Variants in SUPT6H observed in about 807,000 individuals in gnomAD.
SUPT6H encodes transcription elongation factor SPT6.
SUPT6H carries 11 observed loss-of-function variants against 222.3 expected under a neutral mutation model. The ratio of observed to expected loss-of-function variants is 0.05; its 90% CI spans 0.03 to 0.08. The LOEUF (loss-of-function observed/expected upper bound fraction) is 0.08. Ranked by LOEUF, SUPT6H falls within the 10% of genes least tolerant of loss-of-function variation. SUPT6H has a pLI of 1.00. For missense variants in SUPT6H, 1,422 were observed against 2,216.0 expected (o/e 0.64, Z 7.19); for synonymous variants, 762 against 801.2 (o/e 0.95, Z 0.83).
intron 12 of SUPT6H, 134 bp from the exon 13 acceptor site, chr17:28,681,747 AG>A (rs1348172365): frequency 1.3e-5 from 9 of 718,054 alleles, no homozygotes; most frequent in Admixed American, 3.0e-5. Context: ...AAGAAAACCC[AG>A]GAGACTTGAC....
intron 4 of SUPT6H, 91 bp downstream of exon 4, chr17:28,674,704 C>A: frequency 8.0e-7 from 1 of 1,243,382 alleles, no homozygotes; most frequent in Non-Finnish European, 1.2e-6. Flanking sequence ...ACACGCAGGA[C>A]AGTTTGGAGA....
In SUPT6H at chr17:28,701,461, G is replaced by T; in HGVS notation, c.5017G>T (p.Asp1673Tyr). Residue 1673 changes from aspartate (D) to tyrosine (Y), a missense_variant, in exon 37 of 37, where the codon GAC (aspartate) becomes TAC (tyrosine). Asp to Tyr is a radical substitution (Grantham distance 160). Transcript: ENST00000314616. Reference sequence around the variant, plus strand: ...CAGGTCCAACAGCCATGCAGCCATCGACTGGGGAAAAATGGCGGAGCAGTG... The same window carrying T: ...CAGGTCCAACAGCCATGCAGCCATCTACTGGGGAAAAATGGCGGAGCAGTG... Reference protein sequence around the residue: ...QPKSNSHAAIDWGKMAEQWLQ... With the variant: ...QPKSNSHAAIYWGKMAEQWLQ... The T allele has an allele frequency of 6.2e-7, 1 of 1,614,108 alleles. No homozygotes were observed. The highest frequency in any genetic ancestry group is 8.5e-7 in the Non-Finnish European group (1 of 1,180,016).
At position 28,698,041 on chromosome 17, in the gene SUPT6H, G is replaced by T; in HGVS notation, c.4448+11G>T. On this transcript the variant is annotated intron_variant, in intron 32 of 36. Coordinates refer to ENST00000314616, the MANE Select transcript of SUPT6H (RefSeq NM_003170.5). Reference sequence around the variant, plus strand: ...CCGGGGTAAACCCAGGTGAGCACTAGTGCTGAGAAGGTGCTGCCACTGGGG... The same window carrying T: ...CCGGGGTAAACCCAGGTGAGCACTATTGCTGAGAAGGTGCTGCCACTGGGG... The T allele has an allele frequency of 6.2e-7, 1 of 1,604,246 alleles. No homozygotes were observed. The highest frequency in any genetic ancestry group is 8.5e-7 in the Non-Finnish European group (1 of 1,179,152).
chr17:28,674,685 T>C, intron 4 of SUPT6H, 72 bp downstream of exon 4: 1 of 1,417,306 alleles, frequency 7.1e-7, no homozygotes, highest in African/African-American at 1.4e-5. Flanking sequence ...TGTCTGTGGG[T>C]GAGGAGGCAC....
chr17:28,684,791 C>G, intron 18 of SUPT6H, 53 bp from the exon 19 acceptor site: 1 of 1,613,226 alleles, frequency 6.2e-7, no homozygotes, highest in Non-Finnish European at 8.5e-7. Flanking sequence ...TTCTCTCATT[C>G]ATAACTTCAT....
Position 28,693,810 on chromosome 17 carries a change from G to T in SUPT6H, c.3748G>T (p.Val1250Leu). Residue 1250 changes from valine (V) to leucine (L), a missense_variant, in exon 28 of 37, where the codon GTA becomes TTA. Val to Leu is a conservative substitution (Grantham distance 32). Transcript: ENST00000314616. ...CACCAAATTCCTCAGTGACAAAGTGGTAAAGCGGCCAGAAGAACGAGTGAA... is the reference window on the plus strand; with the variant it reads ...CACCAAATTCCTCAGTGACAAAGTGTTAAAGCGGCCAGAAGAACGAGTGAA... ...IPTKFLSDKV[V>L]KRPEERVKVG... 1 of 1,614,204 alleles carries T rather than the reference G, an allele frequency of 6.2e-7. No homozygotes were observed. Among genetic ancestry groups the T allele is most frequent in the Non-Finnish European group, 8.5e-7 (1 of 1,180,032 alleles).
At chr17:28,678,301 A>G (rs1269001466) in intron 9 of SUPT6H, 109 bp downstream of exon 9, 6 of 1,006,556 alleles carry the variant, frequency 6.0e-6, no homozygotes, top group Admixed American at 4.6e-5. Context: ...TCCCCTATCC[A>G]TGACTCAACA....
Position 28,702,465 on chromosome 17 carries a change from G to A in SUPT6H, c.*840G>A, listed in dbSNP as rs895564020. 2.6e-5 allele frequency: 4 copies of A among 152,438 alleles called. No homozygotes were observed. Among genetic ancestry groups the A allele is most frequent in the African/African-American group, 9.6e-5 (4 of 41,474 alleles). 9.4% of individuals were successfully genotyped at this position (152,438 alleles called of 1,614,324 possible). ...TGCCTTTCAGCTGGCTTTCTTACCT[G>A]TAACATGGAGATAGTGATACCTGCC... is the stretch of plus-strand genomic sequence containing the variant. On this transcript the variant is annotated 3_prime_UTR_variant, in exon 37 of 37. Transcript: ENST00000314616.
At chr17:28,690,018 G>C in intron 25 of SUPT6H, 64 bp from the exon 26 acceptor site, 7 of 1,555,206 alleles carry the variant, frequency 4.5e-6, no homozygotes, top group Non-Finnish European at 5.2e-6. Context: ...CCCTTCCACG[G>C]GACTCCTTGA....
At chr17:28,685,754 G>A (rs954662686) in intron 19 of SUPT6H, among the ~76,000 whole-genome samples, 10 of 152,198 alleles carry the variant, frequency 6.6e-5, no homozygotes, top group African/African-American at 2.4e-4. Flanking sequence ...AAAGTGCTGG[G>A]ATTACAGGTG....
intron 28 of SUPT6H, 127 bp downstream of exon 28, chr17:28,693,963 C>G (rs1311520867): frequency 6.2e-6 from 8 of 1,286,636 alleles, no homozygotes; most frequent in Non-Finnish European, 7.5e-6. Flanking sequence ...GGAAGTGTTT[C>G]AGGGAAGATT....
chr17:28,688,371 CT>C lies in SUPT6H; in HGVS notation c.3134+154del. ...AGGAACTTTATTCAGTCAAGAGCCC[CT>C]GACCTATGGAAAAGATCGGTTCAAT... On this transcript the variant is annotated intron_variant, in intron 24 of 36. Transcript: ENST00000314616. The surrounding 1 kb of genome is among the most constrained non-coding windows in gnomAD (Gnocchi z 4.3). 1.1e-6 allele frequency: 1 copy of C among 909,576 alleles called. No individual in the cohort carries two copies. The highest frequency in any genetic ancestry group is 2.8e-5 in the South Asian group (1 of 35,982). The allele number at this position is 909,576 out of a possible 1,614,324, so 56.3% of individuals were successfully genotyped here. A position where few individuals can be genotyped will look rare whatever the true frequency, so the allele number is the denominator to read the frequency against.
At position 28,693,848 on chromosome 17, in the gene SUPT6H, A is replaced by G. The variant is rs1240037867; in HGVS notation, c.3774+12A>G. The G allele has an allele frequency of 1.2e-6, 2 of 1,614,006 alleles. No individual in the cohort carries two copies. Among genetic ancestry groups the G allele is most frequent in the Admixed American group, 3.3e-5 (2 of 60,000 alleles). ...AAGAACGAGTGAAGGTAGAGGACTGATTGTCCTAAGGTCGTAGTGCAATTT... is the reference window on the plus strand; with the variant it reads ...AAGAACGAGTGAAGGTAGAGGACTGGTTGTCCTAAGGTCGTAGTGCAATTT... On this transcript the variant is annotated intron_variant, in intron 28 of 36. Coordinates refer to ENST00000314616, the MANE Select transcript of SUPT6H (RefSeq NM_003170.5).
chr17:28,667,046 T>C (rs1287987495), intron 1 of SUPT6H, among the ~76,000 whole-genome samples: 3 of 152,014 alleles, frequency 2.0e-5, no homozygotes, highest in South Asian at 2.1e-4. Context: ...AAATTGGATA[T>C]TCACTTATGG....
intron 27 of SUPT6H, 83 bp from the exon 28 acceptor site, chr17:28,693,613 T>A: frequency 6.5e-7 from 1 of 1,536,240 alleles, no homozygotes; most frequent in African/African-American, 1.4e-5. Context: ...TAAAAGAAAT[T>A]ACAACACCTC....
intron 1 of SUPT6H, among the ~76,000 whole-genome samples, chr17:28,668,448 C>G (rs1041137590): frequency 2.0e-5 from 3 of 152,166 alleles, no homozygotes; most frequent in African/African-American, 7.2e-5. Context: ...TCTGGCACAC[C>G]TCTTATAACT....
rs763891741 is a variant in SUPT6H at position 28,678,972 on chromosome 17, T to C, written c.1349+9T>C. The C allele has an allele frequency of 6.2e-7, 1 of 1,614,114 alleles. No individual in the cohort carries two copies. Among genetic ancestry groups the C allele is most frequent in the East Asian group, 2.2e-5 (1 of 44,884 alleles). On this transcript the variant is annotated intron_variant, in intron 11 of 36. Coordinates refer to ENST00000314616, the MANE Select transcript of SUPT6H (RefSeq NM_003170.5). Reference sequence around the variant, plus strand: ...ACCACTGACATGGAGAGGTAAAACATGCGGTGTTTATTCCATTATGGGAAG... The same window carrying C: ...ACCACTGACATGGAGAGGTAAAACACGCGGTGTTTATTCCATTATGGGAAG...
chr17:28,671,848 C>A (rs1597688600), intron 1 of SUPT6H, among the ~76,000 whole-genome samples: 2 of 152,190 alleles, frequency 1.3e-5, no homozygotes, highest in Non-Finnish European at 1.5e-5. Flanking sequence ...TTACCATTTT[C>A]CAGGTTAAGA....
At chr17:28,674,733 C>T (rs982493839) in intron 4 of SUPT6H, 120 bp downstream of exon 4, 11 of 980,050 alleles carry the variant, frequency 1.1e-5, no homozygotes, top group African/African-American at 6.4e-5. Flanking sequence ...GCACGGTGTT[C>T]GGTATCATTG....
Sources: gnomAD v4.1 joint callset for allele counts (sites outside exome capture counted in the v4.1 genomes callset) on GRCh38, gnomAD v4.1.1 for gene constraint, Gnocchi (gnomAD v3.1) non-coding constraint, MANE v1.5 for transcripts, NCBI Gene and HGNC (gene_info 2026-07-23, HGNC 2026-07-21) for gene names.